Variants in SHISA9 observed in about 807,000 individuals in gnomAD.
SHISA9 encodes shisa family member 9, also known as protein shisa-9.
SHISA9 carries 13 observed loss-of-function variants against 38.0 expected under a neutral mutation model. That is an observed-to-expected ratio of 0.34 (90% CI 0.22 to 0.54). The LOEUF (loss-of-function observed/expected upper bound fraction) is 0.54. Ranked by LOEUF, SHISA9 falls within the 20% of genes least tolerant of loss-of-function variation. The pLI is 0.91. For synonymous variants in SHISA9, 275 were observed against 242.0 expected (o/e 1.14, Z -1.27); for missense variants, 538 against 575.8 (o/e 0.93, Z 0.67).
chr16:13,043,148 G>T (rs2073150747), intron 2 of SHISA9, among the ~76,000 whole-genome samples: 1 of 152,204 alleles, frequency 6.6e-6, no homozygotes, highest in Non-Finnish European at 1.5e-5. Context: ...ACTTTATCAT[G>T]TGGCTTTCAA....
chr16:12,918,651 G>T (rs1170007159), intron 2 of SHISA9, among the ~76,000 whole-genome samples: 2 of 152,160 alleles, frequency 1.3e-5, no homozygotes, highest in Non-Finnish European at 2.9e-5. Context: ...GTTTATTTAT[G>T]ATTCTTGCGT....
At chr16:13,289,880 A>G in the SHISA9 span, among the ~76,000 whole-genome samples, 1 of 152,226 alleles carries the variant, frequency 6.6e-6, no homozygotes, top group Non-Finnish European at 1.5e-5. Flanking sequence ...TTGTGTTTAT[A>G]CTTTCTAATA....
chr16:13,029,816 G>A (rs8047829), intron 2 of SHISA9, among the ~76,000 whole-genome samples: 101,301 of 152,124 alleles, frequency 0.67, 34,330 homozygotes, highest in Middle Eastern at 0.76. Flanking sequence ...CATCCATCTC[G>A]TCACTTTTGT....
chr16:13,513,799 A>G, the SHISA9 span, among the ~76,000 whole-genome samples: 20 of 152,258 alleles, frequency 1.3e-4, no homozygotes, highest in Admixed American at 1.3e-3. Flanking sequence ...AAACACATGG[A>G]CACAGGGAGG....
chr16:13,458,992 C>T, the SHISA9 span, among the ~76,000 whole-genome samples: 2 of 151,808 alleles, frequency 1.3e-5, no homozygotes, highest in Admixed American at 1.3e-4. Flanking sequence ...CTCGGCCTCC[C>T]AAGGCATGCA....
At position 13,173,150 on chromosome 16, in the gene SHISA9, T is replaced by C. The variant is rs1161703755; in HGVS notation, c.692-30244T>C. On this transcript the variant is annotated intron_variant, in intron 2 of 4. Coordinates refer to ENST00000558583, the MANE Select transcript of SHISA9 (RefSeq NM_001145204.3). ...GTTTATCAGTCAGAAGAGATGCACG[T>C]GCGCACACACACACACACACACACA... Among the ~76,000 whole-genome samples the C allele has an allele frequency of 3.5e-5, 5 of 141,906 alleles. No individual in the cohort carries two copies. In the East Asian group the frequency reaches 6.0e-4, roughly 17 times the overall value. The allele number at this position is 141,906 out of a possible 152,430, so 93.1% of individuals were successfully genotyped here. A position where few individuals can be genotyped will look rare whatever the true frequency, so the allele number is the denominator to read the frequency against.
chr16:12,976,225 C>T lies in SHISA9; in HGVS notation c.691+59410C>T, dbSNP rs537458792. 3.9e-5 allele frequency among the ~76,000 whole-genome samples: 6 copies of T among 152,112 alleles called. No individual in the cohort carries two copies. The South Asian group carries it at 1.0e-3, about 26-fold the overall frequency. Reference sequence around the variant, plus strand: ...GCCTCAGCCTCCCGACTAGCTGGAGCCACAGGTGTGCGCCACCACACTCAG... The same window carrying T: ...GCCTCAGCCTCCCGACTAGCTGGAGTCACAGGTGTGCGCCACCACACTCAG... On this transcript the variant is annotated intron_variant, in intron 2 of 4. Coordinates refer to ENST00000558583, the MANE Select transcript of SHISA9 (RefSeq NM_001145204.3).
At chr16:13,384,828 T>C in the SHISA9 span, among the ~76,000 whole-genome samples, 1 of 152,190 alleles carries the variant, frequency 6.6e-6, no homozygotes, top group Non-Finnish European at 1.5e-5. Context: ...TGAGGGTAAA[T>C]CCATCCAAAT....
the SHISA9 span, among the ~76,000 whole-genome samples, chr16:13,309,649 A>AG: frequency 6.6e-6 from 1 of 151,406 alleles, no homozygotes; most frequent in Non-Finnish European, 1.5e-5. Flanking sequence ...TCTCAAAAAA[A>AG]AAAAAAAAAA....
the SHISA9 span, among the ~76,000 whole-genome samples, chr16:13,470,057 T>C: frequency 6.6e-6 from 1 of 152,254 alleles, no homozygotes; most frequent in Non-Finnish European, 1.5e-5. Flanking sequence ...TGTATTTTGA[T>C]GCATTTTTAA....
intron 1 of SHISA9, chr16:12,909,077 C>T (rs2141711307): frequency 1.0e-6 from 1 of 989,900 alleles, no homozygotes; most frequent in African/African-American, 1.7e-5. Context: ...TATCCTAAGG[C>T]TTTGACCAGC....
chr16:13,454,740 CAGAA>C, the SHISA9 span, among the ~76,000 whole-genome samples: 3 of 152,158 alleles, frequency 2.0e-5, no homozygotes, highest in African/African-American at 7.2e-5. Context: ...TAGAAATGGA[CAGAA>C]GGAAGGAGAA....
At chr16:13,205,100 C>T (rs943820689) in intron 3 of SHISA9, among the ~76,000 whole-genome samples, 1 of 152,152 alleles carries the variant, frequency 6.6e-6, no homozygotes, top group Non-Finnish European at 1.5e-5. Flanking sequence ...TTACTAGAAT[C>T]ACCTGGAGAG....
intron 2 of SHISA9, among the ~76,000 whole-genome samples, chr16:13,138,735 A>G (rs964039381): frequency 5.3e-5 from 8 of 152,224 alleles, no homozygotes; most frequent in African/African-American, 1.9e-4. Flanking sequence ...GTTCACATGC[A>G]AAGAATTGCT....
At chr16:13,267,291 G>A in the SHISA9 span, among the ~76,000 whole-genome samples, 1 of 152,158 alleles carries the variant, frequency 6.6e-6, no homozygotes, top group Non-Finnish European at 1.5e-5. Context: ...AAAAACATAT[G>A]GGAACATATT....
intron 2 of SHISA9, among the ~76,000 whole-genome samples, chr16:13,043,980 C>T (rs1448725627): frequency 6.6e-6 from 1 of 152,154 alleles, no homozygotes. Context: ...TATTTTATTT[C>T]TCTTTGTATC....
chr16:13,444,584 G>A, the SHISA9 span, among the ~76,000 whole-genome samples: 2 of 152,004 alleles, frequency 1.3e-5, no homozygotes, highest in Non-Finnish European at 2.9e-5. Flanking sequence ...AGTCTTGATT[G>A]TCTCTCACTA....
chr16:13,218,066 A>C (rs1353402912), intron 4 of SHISA9, among the ~76,000 whole-genome samples: 5 of 152,138 alleles, frequency 3.3e-5, no homozygotes, highest in Non-Finnish European at 7.4e-5. Context: ...GAAGGAAGGA[A>C]GGAAAAAAAG....
At chr16:13,433,574 G>A in the SHISA9 span, among the ~76,000 whole-genome samples, 1 of 152,180 alleles carries the variant, frequency 6.6e-6, no homozygotes, top group Non-Finnish European at 1.5e-5. Flanking sequence ...AATGGTTAAA[G>A]CAAGGATGCA....
Sources: gnomAD v4.1 joint callset for allele counts (sites outside exome capture counted in the v4.1 genomes callset) on GRCh38, gnomAD v4.1.1 for gene constraint, MANE v1.5 for transcripts, NCBI Gene and HGNC (gene_info 2026-07-23, HGNC 2026-07-21) for gene names.